The following TMEFF2 variants were observed in gnomAD, a reference collection of about 807,000 sequenced individuals.
TMEFF2 encodes transmembrane protein with EGF like and two follistatin like domains 2.
Under a neutral mutation model 53.8 loss-of-function variants are expected in TMEFF2, and 28 were observed. The ratio of observed to expected loss-of-function variants is 0.52; its 90% CI spans 0.39 to 0.71. TMEFF2 has a LOEUF of 0.71. TMEFF2 is among the 30% of genes least tolerant of loss of function. TMEFF2 has a pLI of 0.00. For synonymous variants in TMEFF2, 162 were observed against 166.3 expected (o/e 0.97, Z 0.20); for missense variants, 353 against 455.2 (o/e 0.78, Z 2.04).
At chr2:191,978,005 G>A (rs1459582070) in intron 7 of TMEFF2, among the ~76,000 whole-genome samples, 2 of 152,142 alleles carry the variant, frequency 1.3e-5, no homozygotes, top group African/African-American at 4.8e-5. Flanking sequence ...CAGATGTTCA[G>A]AAAAACATAA....
intron 7 of TMEFF2, among the ~76,000 whole-genome samples, chr2:191,996,563 T>C (rs1686227139): frequency 6.6e-6 from 1 of 151,942 alleles, no homozygotes; most frequent in Non-Finnish European, 1.5e-5. Flanking sequence ...TATTATCTTT[T>C]ATTATTTTTG....
At chr2:192,180,829 G>C (rs1691168700) in intron 3 of TMEFF2, among the ~76,000 whole-genome samples, 1 of 151,634 alleles carries the variant, frequency 6.6e-6, no homozygotes, top group Non-Finnish European at 1.5e-5. Context: ...GTCATGTATT[G>C]GCATTAGCAG....
At chr2:192,109,203 A>G (rs1420618854) in intron 4 of TMEFF2, among the ~76,000 whole-genome samples, 2 of 152,096 alleles carry the variant, frequency 1.3e-5, no homozygotes, top group Non-Finnish European at 2.9e-5. Flanking sequence ...CAGTAAATAT[A>G]TATCAAGAAC....
At chr2:192,168,251 T>G (rs1690818672) in intron 4 of TMEFF2, among the ~76,000 whole-genome samples, 2 of 152,134 alleles carry the variant, frequency 1.3e-5, no homozygotes, top group South Asian at 4.1e-4. Flanking sequence ...GCTTTGATGG[T>G]TAAAGTAAAT....
intron 4 of TMEFF2, among the ~76,000 whole-genome samples, chr2:192,130,132 T>C (rs976361836): frequency 5.9e-5 from 9 of 152,300 alleles, no homozygotes; most frequent in African/African-American, 1.7e-4. Flanking sequence ...TTAATTTGTC[T>C]AGTGAAATAA....
rs115445939 is a variant in TMEFF2 at position 192,156,137 on chromosome 2, T to C, written c.439+23531A>G. 2.9e-3 allele frequency among the ~76,000 whole-genome samples: 437 copies of C among 152,148 alleles called. 3 individuals carry two copies. Among genetic ancestry groups the C allele is most frequent in the African/African-American group, 9.8e-3 (408 of 41,540 alleles). On this transcript the variant is annotated intron_variant, in intron 4 of 9. Coordinates refer to ENST00000272771, the MANE Select transcript of TMEFF2 (RefSeq NM_016192.4). ...TAGGCTGGTGCCCAGGAAACAGATA[T>C]GGAAAACAGACAAAAACCTCTGCCC...
At chr2:192,094,659 T>A (rs1688863732) in intron 4 of TMEFF2, among the ~76,000 whole-genome samples, 1 of 152,194 alleles carries the variant, frequency 6.6e-6, no homozygotes, top group Non-Finnish European at 1.5e-5. Context: ...TCTATCTATA[T>A]GTGATCAGAG....
intron 5 of TMEFF2, among the ~76,000 whole-genome samples, chr2:192,039,366 T>C (rs1291883907): frequency 2.0e-5 from 3 of 152,194 alleles, no homozygotes; most frequent in African/African-American, 4.8e-5. Context: ...ATAATTATAA[T>C]TGCTAGGCCC....
intron 4 of TMEFF2, among the ~76,000 whole-genome samples, chr2:192,154,540 A>G (rs1690461755): frequency 6.6e-6 from 1 of 152,034 alleles, no homozygotes; most frequent in African/African-American, 2.4e-5. Flanking sequence ...AGGACCACAG[A>G]CAGAACTTTG....
intron 5 of TMEFF2, among the ~76,000 whole-genome samples, chr2:192,042,104 G>A (rs1687498384): frequency 6.6e-6 from 1 of 152,022 alleles, no homozygotes; most frequent in South Asian, 2.1e-4. Context: ...GGGAGGCTGA[G>A]GCAGGATAAT....
intron 4 of TMEFF2, among the ~76,000 whole-genome samples, chr2:192,133,387 C>A (rs529217328): frequency 3.9e-5 from 6 of 152,234 alleles, no homozygotes; most frequent in South Asian, 2.1e-4. Context: ...ATCACCCTTA[C>A]CCCACTCAAT....
At chr2:192,112,295 AACCC>A (rs1689299820) in intron 4 of TMEFF2, among the ~76,000 whole-genome samples, 1 of 152,204 alleles carries the variant, frequency 6.6e-6, no homozygotes, top group Non-Finnish European at 1.5e-5. Context: ...AGGCCATGGG[AACCC>A]ACCTCTTGTG....
intron 5 of TMEFF2, among the ~76,000 whole-genome samples, chr2:192,053,971 C>T (rs765653963): frequency 2.0e-5 from 3 of 152,144 alleles, no homozygotes; most frequent in Admixed American, 6.6e-5. Context: ...CATTTCAGCA[C>T]AATTCCTTAT....
intron 1 of TMEFF2, among the ~76,000 whole-genome samples, chr2:192,193,195 A>T (rs1222550652): frequency 6.6e-6 from 1 of 152,206 alleles, no homozygotes; most frequent in East Asian, 1.9e-4. Flanking sequence ...GCCAGATTTA[A>T]CTACAGCAAA....
intron 7 of TMEFF2, among the ~76,000 whole-genome samples, chr2:191,964,269 C>T (rs1290768876): frequency 5.5e-5 from 4 of 72,108 alleles, no homozygotes; most frequent in Non-Finnish European, 1.3e-4. Context: ...CCTTTCTTTT[C>T]TTTTTTCTTT....
At chr2:191,985,204 A>T (rs1447833819) in intron 7 of TMEFF2, among the ~76,000 whole-genome samples, 1 of 152,054 alleles carries the variant, frequency 6.6e-6, no homozygotes, top group Non-Finnish European at 1.5e-5. Context: ...GGAAAAAGGA[A>T]AAAAAAGAGA....
intron 4 of TMEFF2, among the ~76,000 whole-genome samples, chr2:192,132,341 A>C (rs977777284): frequency 5.9e-5 from 9 of 151,982 alleles, no homozygotes; most frequent in Admixed American, 2.6e-4. Flanking sequence ...GCTCTTTTTC[A>C]TCAAATATAA....
chr2:192,039,221 G>GA (rs1687413725), intron 5 of TMEFF2, among the ~76,000 whole-genome samples: 2 of 151,608 alleles, frequency 1.3e-5, no homozygotes, highest in Non-Finnish European at 2.9e-5. Flanking sequence ...GGATTTATAG[G>GA]AAAAAAAGGC....
intron 4 of TMEFF2, among the ~76,000 whole-genome samples, chr2:192,153,662 T>C (rs967787854): frequency 6.6e-6 from 1 of 151,890 alleles, no homozygotes; most frequent in African/African-American, 2.4e-5. Flanking sequence ...TTATATTTCC[T>C]GGGGCAGAAA....
Sources: allele counts gnomAD v4.1 joint callset (sites outside exome capture counted in the v4.1 genomes callset), GRCh38; gene constraint gnomAD v4.1.1; transcripts MANE v1.5; gene names NCBI Gene and HGNC (gene_info 2026-07-23, HGNC 2026-07-21).